Variants in STAMBPL1 observed in about 807,000 individuals in gnomAD.
STAMBPL1 encodes AMSH-like protease.
In STAMBPL1, 44 loss-of-function variants were observed where a neutral mutation model predicts 52.9. That is an observed-to-expected ratio of 0.83 (90% CI 0.65 to 1.07). STAMBPL1 has a LOEUF of 1.07. STAMBPL1 is among the 50% of genes least tolerant of loss of function. The probability of loss-of-function intolerance (pLI) is 0.00; values close to 1 mark genes in which losing one functional copy is unlikely to be tolerated. For synonymous variants in STAMBPL1, 164 were observed against 177.3 expected (o/e 0.92, Z 0.60); for missense variants, 511 against 520.8 (o/e 0.98, Z 0.18).
At chr10:88,916,594 T>TTAACA in intron 7 of STAMBPL1, 86 bp from the exon 8 acceptor site, 1 of 1,379,280 alleles carries the variant, frequency 7.3e-7, no homozygotes, top group Non-Finnish European at 9.5e-7. Flanking sequence ...TGGGGGACTC[T>TTAACA]TTAGTCTTAA....
intron 5 of STAMBPL1, 36 bp downstream of exon 5, chr10:88,911,047 T>C: frequency 1.5e-6 from 2 of 1,315,578 alleles, no homozygotes; most frequent in Non-Finnish European, 2.1e-6. Context: ...CATGACTATT[T>C]TATGTACAAG....
rs566075349 is a variant in STAMBPL1, at chr10:88,907,433, C to T, written c.249-1269C>T. Among the ~76,000 whole-genome samples, 10 of 152,270 alleles carry T rather than the reference C, an allele frequency of 6.6e-5. No homozygotes were observed. In the East Asian group the frequency reaches 1.2e-3, roughly 18 times the overall value. Reference sequence around the variant, plus strand: ...GAAGTTATTCTCCACCATTGATAGCCAAACTTTTCCAATAATTTTTGTTTC... The same window carrying T: ...GAAGTTATTCTCCACCATTGATAGCTAAACTTTTCCAATAATTTTTGTTTC... On this transcript the variant is annotated intron_variant, in intron 3 of 10. Transcript: ENST00000371926.
At chr10:88,910,832 C>T (rs1434594114) in intron 4 of STAMBPL1, 84 bp from the exon 5 acceptor site, 4 of 901,302 alleles carry the variant, frequency 4.4e-6, no homozygotes, top group Non-Finnish European at 6.7e-6. Context: ...AGTATACCTA[C>T]CAGCTGTTTT....
chr10:88,910,438 G>C (rs1394932187), intron 4 of STAMBPL1, among the ~76,000 whole-genome samples: 1 of 152,166 alleles, frequency 6.6e-6, no homozygotes, highest in East Asian at 1.9e-4. Flanking sequence ...ATCCAGATTA[G>C]GCTTGGGGGG....
chr10:88,883,941 T>C (rs1307219922), intron 1 of STAMBPL1, among the ~76,000 whole-genome samples: 2 of 152,208 alleles, frequency 1.3e-5, no homozygotes, highest in Non-Finnish European at 2.9e-5. Flanking sequence ...CTCCTGTCAT[T>C]AGAAAGTCTC....
chr10:88,910,674 C>T (rs1426146099), intron 4 of STAMBPL1, among the ~76,000 whole-genome samples: 2 of 152,132 alleles, frequency 1.3e-5, no homozygotes, highest in African/African-American at 2.4e-5. Flanking sequence ...TGGGCTATAA[C>T]AAAATGCTTA....
intron 1 of STAMBPL1, among the ~76,000 whole-genome samples, chr10:88,894,153 A>G (rs1844754070): frequency 6.6e-6 from 1 of 152,132 alleles, no homozygotes; most frequent in African/African-American, 2.4e-5. Flanking sequence ...ATTCATTATC[A>G]ACCTCCTTTG....
chr10:88,904,901 T>C (rs1845033889), intron 2 of STAMBPL1, among the ~76,000 whole-genome samples: 1 of 152,022 alleles, frequency 6.6e-6, no homozygotes, highest in Admixed American at 6.6e-5. Context: ...CTCCAGGACT[T>C]ACTTGTGGGT....
Position 88,898,175 on chromosome 10 carries a change from T to C in STAMBPL1, c.-53-3481T>C, listed in dbSNP as rs1044578489. Among the ~76,000 whole-genome samples the C allele has an allele frequency of 2.0e-5, 3 of 152,354 alleles. No individual in the cohort carries two copies. In the South Asian group the frequency reaches 6.2e-4, roughly 32 times the overall value. On this transcript the variant is annotated intron_variant, in intron 1 of 10. Transcript: ENST00000371926. ...ACTAAGGACACTAAAAAGCTTTGTT[T>C]ATGTGAGTTATATCTATTTATATTT...
At chr10:88,922,560 T>C (rs1774569184) in intron 10 of STAMBPL1, 124 bp downstream of exon 10, 2 of 785,738 alleles carry the variant, frequency 2.5e-6, no homozygotes, top group African/African-American at 1.7e-5. Context: ...TTTGGAGTTT[T>C]ATCTCAGAAA....
At chr10:88,881,871 T>G (rs1299397121) in intron 1 of STAMBPL1, among the ~76,000 whole-genome samples, 1 of 152,232 alleles carries the variant, frequency 6.6e-6, no homozygotes, top group Admixed American at 6.5e-5. Flanking sequence ...ATACATATCT[T>G]TATTTTTAAT....
At chr10:88,923,018 AAT>A in intron 10 of STAMBPL1, 148 bp from the exon 11 acceptor site, 1 of 582,074 alleles carries the variant, frequency 1.7e-6, no homozygotes, top group Non-Finnish European at 2.9e-6. Flanking sequence ...AAAATGAATA[AAT>A]GTGATTGTAT....
chr10:88,897,226 G>C (rs921576635), intron 1 of STAMBPL1, among the ~76,000 whole-genome samples: 1 of 152,194 alleles, frequency 6.6e-6, no homozygotes, highest in Non-Finnish European at 1.5e-5. Context: ...ACAGTCGACT[G>C]CTCAGTTGGT....
chr10:88,896,375 T>C (rs1844810424), intron 1 of STAMBPL1, among the ~76,000 whole-genome samples: 1 of 152,220 alleles, frequency 6.6e-6, no homozygotes, highest in South Asian at 2.1e-4. Context: ...AGATCCTTCT[T>C]TGTGTCTCTG....
At chr10:88,906,183 T>A (rs1187708643) in intron 3 of STAMBPL1, among the ~76,000 whole-genome samples, 1 of 152,182 alleles carries the variant, frequency 6.6e-6, no homozygotes, top group Non-Finnish European at 1.5e-5. Context: ...TATTTCTTTT[T>A]AAAAAACATT....
chr10:88,914,022 C>G (rs1845304067), intron 6 of STAMBPL1, among the ~76,000 whole-genome samples: 2 of 152,152 alleles, frequency 1.3e-5, no homozygotes, highest in Non-Finnish European at 2.9e-5. Flanking sequence ...TTCGCAGACA[C>G]TGTCAGATAG....
chr10:88,888,347 T>C (rs2133124090), intron 1 of STAMBPL1, among the ~76,000 whole-genome samples: 1 of 152,190 alleles, frequency 6.6e-6, no homozygotes, highest in South Asian at 2.1e-4. Context: ...TGCAAACAAG[T>C]GTACACCTGA....
chr10:88,913,879 TC>T (rs1424001735), intron 6 of STAMBPL1, among the ~76,000 whole-genome samples: 1 of 152,216 alleles, frequency 6.6e-6, no homozygotes, highest in African/African-American at 2.4e-5. Context: ...ATGTTTAGCA[TC>T]ATCCTTGGAC....
intron 8 of STAMBPL1, among the ~76,000 whole-genome samples, chr10:88,920,022 TG>T (rs1845470357): frequency 6.6e-6 from 1 of 152,054 alleles, no homozygotes; most frequent in Non-Finnish European, 1.5e-5. Flanking sequence ...ACTTTTTTTT[TG>T]TTTGTTTTGG....
Sources: gnomAD v4.1 joint callset for allele counts (sites outside exome capture counted in the v4.1 genomes callset) on GRCh38, gnomAD v4.1.1 for gene constraint, MANE v1.5 for transcripts, NCBI Gene and HGNC (gene_info 2026-07-23, HGNC 2026-07-21) for gene names.